ST13: variants seen among roughly 807,000 people sequenced by gnomAD.
The protein encoded by ST13 is ST13 Hsp70 interacting protein, also known as hsc70-interacting protein.
ST13 carries 23 observed loss-of-function variants against 56.7 expected under a neutral mutation model. The observed-to-expected ratio is 0.41, with a 90% CI of 0.29 to 0.57. The LOEUF is 0.57. ST13 is among the 20% of genes least tolerant of loss of function. The pLI, the probability that ST13 is intolerant of heterozygous loss-of-function variation, is 0.36. For synonymous variants in ST13, 132 were observed against 142.4 expected (o/e 0.93, Z 0.52); for missense variants, 369 against 459.9 (o/e 0.80, Z 1.81).
intron 1 of ST13, among the ~76,000 whole-genome samples, chr22:40,852,167 T>C (rs2057864959): frequency 6.6e-6 from 1 of 152,244 alleles, no homozygotes; most frequent in Admixed American, 6.5e-5. Flanking sequence ...AGTTCTTTTA[T>C]CAATTTACAC....
At chr22:40,832,744 T>C in intron 7 of ST13, 73 bp from the exon 8 acceptor site, 1 of 1,180,966 alleles carries the variant, frequency 8.5e-7, no homozygotes, top group Admixed American at 1.9e-5. Flanking sequence ...TCTTTCTTCC[T>C]TACAAAAAAG....
chr22:40,851,635 A>G (rs2057861613), intron 1 of ST13, among the ~76,000 whole-genome samples: 1 of 152,254 alleles, frequency 6.6e-6, no homozygotes, highest in Admixed American at 6.5e-5. Context: ...AGAGCACTCC[A>G]CAACAGTTGG....
chr22:40,839,459 A>C (rs189457934), intron 5 of ST13, among the ~76,000 whole-genome samples: 2 of 152,288 alleles, frequency 1.3e-5, no homozygotes, highest in Admixed American at 1.3e-4. Context: ...TAACCGATCA[A>C]ACATTACACT....
intron 10 of ST13, among the ~76,000 whole-genome samples, chr22:40,827,845 C>T (rs970110987): frequency 3.3e-5 from 5 of 151,980 alleles, no homozygotes; most frequent in African/African-American, 7.3e-5. Context: ...AGACTAATCT[C>T]GCCTTAAAAG....
In ST13 at chr22:40,848,302, C is replaced by G; in HGVS notation, c.236G>C (p.Ser79Thr). ...AACTACCGTCTCCTCACCTAGATCA[C>G]TTTCCTCACTTGATGGTTCGTCTGC... Reference protein sequence around the residue: ...LKADEPSSEESDLEIDKEGVI... With the variant: ...LKADEPSSEETDLEIDKEGVI... The change falls in exon 3 of 12, where the codon AGT (serine) becomes ACT (threonine). Residue 79 changes from serine (S) to threonine (T), a missense_variant. Ser to Thr is a moderately conservative substitution (Grantham distance 58, BLOSUM62 1). Transcript: ENST00000216218. The G allele has an allele frequency of 6.2e-7, 1 of 1,612,704 alleles. No individual in the cohort carries two copies. Among genetic ancestry groups the G allele is most frequent in the East Asian group, 2.2e-5 (1 of 44,866 alleles).
In ST13 at chr22:40,835,438, A is replaced by G. The variant is rs187287509; in HGVS notation, c.578+122T>C. ...CAAGCTATCTCACTTCTTGATACTA[A>G]GTACACACTAATTTGAAAATTAAGT... On this transcript the variant is annotated intron_variant, in intron 7 of 11. Coordinates refer to ENST00000216218, the MANE Select transcript of ST13 (RefSeq NM_003932.5). 1,456 of 774,784 alleles carry G rather than the reference A, an allele frequency of 1.9e-3. 1 individual carries two copies. Among genetic ancestry groups the G allele is most frequent in the Admixed American group, 5.5e-3 (246 of 45,104 alleles). 48.0% of individuals were successfully genotyped at this position (774,784 alleles called of 1,614,324 possible).
chr22:40,840,374 G>A (rs1027188377), intron 5 of ST13, among the ~76,000 whole-genome samples: 11 of 147,562 alleles, frequency 7.5e-5, no homozygotes, highest in Non-Finnish European at 1.2e-4. Flanking sequence ...CCTCTTTAAA[G>A]CCTCTTCTCA....
intron 8 of ST13, chr22:40,831,971 G>C (rs1043043596): frequency 8.7e-5 from 22 of 253,148 alleles, no homozygotes; most frequent in Non-Finnish European, 1.4e-4. Flanking sequence ...TCCTGCCTCA[G>C]CCTCCCGAGT....
chr22:40,826,242 G>A lies in ST13; in HGVS notation c.*296C>T, dbSNP rs933241955. The stretch of plus-strand genomic sequence containing the variant: ...AAAAAAATCCAAAATGATTAGTAAA[G>A]AAAAATATAAGAATTAACAGGCCCT... On this transcript the variant is annotated 3_prime_UTR_variant, in exon 12 of 12. Transcript: ENST00000216218. 12 of 200,286 alleles carry A rather than the reference G, an allele frequency of 6.0e-5. No homozygotes were observed. Among genetic ancestry groups the A allele is most frequent in the Non-Finnish European group, 1.2e-4 (12 of 99,312 alleles). The allele number at this position is 200,286 out of a possible 1,614,324, so 12.4% of individuals were successfully genotyped here.
rs2057728501 is a variant in ST13, at chr22:40,826,448, C to A, written c.*90G>T. On this transcript the variant is annotated 3_prime_UTR_variant, in exon 12 of 12. Coordinates refer to ENST00000216218, the MANE Select transcript of ST13 (RefSeq NM_003932.5). ...ACCCCAGCTCTCTTGATGAGAAGGT[C>A]AGAGGTACACTGGTTTGTATTATTG... The A allele has an allele frequency of 4.3e-6, 6 of 1,386,546 alleles. No individual in the cohort carries two copies. In the Admixed American group the frequency reaches 9.8e-5, roughly 23 times the overall value. The allele number at this position is 1,386,546 out of a possible 1,614,324, so 85.9% of individuals were successfully genotyped here.
chr22:40,841,629 C>G (rs2057804939), intron 4 of ST13, among the ~76,000 whole-genome samples: 1 of 152,050 alleles, frequency 6.6e-6, no homozygotes, highest in African/African-American at 2.4e-5. Context: ...TATTTAAAGA[C>G]AGGGTCTACC....
At chr22:40,845,908 T>C (rs1020414113) in intron 3 of ST13, among the ~76,000 whole-genome samples, 1 of 152,082 alleles carries the variant, frequency 6.6e-6, no homozygotes, top group African/African-American at 2.4e-5. Flanking sequence ...CATATATGTA[T>C]ATGGTGTACA....
At chr22:40,846,196 A>G (rs1374866147) in intron 3 of ST13, among the ~76,000 whole-genome samples, 1 of 152,126 alleles carries the variant, frequency 6.6e-6, no homozygotes, top group East Asian at 1.9e-4. Flanking sequence ...TCAGCCTCCC[A>G]AAGTGCTGGG....
intron 7 of ST13, among the ~76,000 whole-genome samples, chr22:40,832,956 G>A (rs989345274): frequency 1.3e-5 from 2 of 152,164 alleles, no homozygotes; most frequent in African/African-American, 4.8e-5. Context: ...TAAGTATGTA[G>A]ACCAGTAACT....
chr22:40,832,688 C>T lies in ST13; in HGVS notation c.579-17G>A, dbSNP rs199570798. The T allele has an allele frequency of 2.4e-5, 38 of 1,574,682 alleles. No individual in the cohort carries two copies. In the East Asian group the frequency reaches 7.6e-4, roughly 32 times the overall value. On this transcript the variant is annotated splice_polypyrimidine_tract_variant and intron_variant, in intron 7 of 11. Coordinates refer to ENST00000216218, the MANE Select transcript of ST13 (RefSeq NM_003932.5). ...CCTAGAAGTCTGAAACAGATTTACA[C>T]TCATTTTAGGAGCCTTTTATACATA...
intron 7 of ST13, among the ~76,000 whole-genome samples, chr22:40,834,360 G>C (rs1422857095): frequency 6.6e-6 from 1 of 152,048 alleles, no homozygotes; most frequent in East Asian, 1.9e-4. Flanking sequence ...CTGTTTTTAA[G>C]GTATTGTAAT....
At chr22:40,849,857 A>G (rs2057852297) in intron 2 of ST13, among the ~76,000 whole-genome samples, 1 of 152,058 alleles carries the variant, frequency 6.6e-6, no homozygotes, top group Admixed American at 6.5e-5. Context: ...TTAAGTTTCT[A>G]AATAATAAAA....
At chr22:40,828,025 C>T (rs539008013) in intron 10 of ST13, among the ~76,000 whole-genome samples, 13 of 152,284 alleles carry the variant, frequency 8.5e-5, no homozygotes, top group Admixed American at 5.2e-4. Flanking sequence ...CAACTATACT[C>T]TTCTAGCATA....
rs990493915 is a variant in ST13, at chr22:40,826,032, T to C, written c.*506A>G. ...TACGGGTGGTCCCAATTAGTTTTAT[T>C]GAAATAAATCTTTAAAGAAAAAGAT... On this transcript the variant is annotated 3_prime_UTR_variant, in exon 12 of 12. Coordinates refer to ENST00000216218, the MANE Select transcript of ST13 (RefSeq NM_003932.5). 6.5e-5 allele frequency: 10 copies of C among 152,770 alleles called. No homozygotes were observed. Among genetic ancestry groups the C allele is most frequent in the Admixed American group, 2.6e-4 (4 of 15,306 alleles). 9.5% of individuals were successfully genotyped at this position (152,770 alleles called of 1,614,324 possible).
Sources: gnomAD v4.1 joint callset for allele counts (sites outside exome capture counted in the v4.1 genomes callset) on GRCh38, gnomAD v4.1.1 for gene constraint, MANE v1.5 for transcripts, NCBI Gene and HGNC (gene_info 2026-07-23, HGNC 2026-07-21) for gene names.